Variants in DLG5 observed in about 807,000 individuals in gnomAD.
DLG5 encodes discs large MAGUK scaffold protein 5, also known as disks large homolog 5.
DLG5 carries 48 observed loss-of-function variants against 189.8 expected under a neutral mutation model. The ratio of observed to expected loss-of-function variants is 0.25; its 90% CI spans 0.20 to 0.32. DLG5 has a LOEUF of 0.32. Among genes scored for constraint, DLG5 ranks in the 10% least tolerant of loss-of-function variants. The probability of loss-of-function intolerance (pLI) is 1.00; values close to 1 mark genes in which losing one functional copy is unlikely to be tolerated. For synonymous variants in DLG5, 1,016 were observed against 1,054.1 expected (o/e 0.96, Z 0.70); for missense variants, 2,160 against 2,544.7 (o/e 0.85, Z 3.25).
chr10:77,819,787 C>G (rs1398021344), intron 16 of DLG5, 108 bp downstream of exon 16: 4 of 1,479,834 alleles, frequency 2.7e-6, no homozygotes, highest in Non-Finnish European at 3.6e-6. Context: ...GACCTCAGGG[C>G]TGAAAACACA....
Position 77,842,104 on chromosome 10 carries a change from G to C in DLG5, c.1214C>G (p.Thr405Ser). 1.2e-6 allele frequency: 2 copies of C among 1,613,362 alleles called. No homozygotes were observed. Among genetic ancestry groups the C allele is most frequent in the Non-Finnish European group, 1.7e-6 (2 of 1,180,036 alleles). Residue 405 changes from threonine to serine, a missense_variant, in exon 7 of 32, where the codon ACC (threonine) becomes AGC (serine). Thr to Ser is a moderately conservative substitution (Grantham distance 58, BLOSUM62 1). This residue lies in a region of DLG5 where 664 missense variants were observed against 838.5 expected (regional missense o/e 0.79). Coordinates refer to ENST00000372391, the MANE Select transcript of DLG5 (RefSeq NM_004747.4). ...CTTCACCTGCGTGGTTCTCAGCTCG[G>C]TCAGCTCTGACTGCAGCAGCTCCAT... ...WEMELLQSEL[T>S]ELRTTQVKTA...
At chr10:77,934,276 C>A in the DLG5 span, among the ~76,000 whole-genome samples, 1 of 144,086 alleles carries the variant, frequency 6.9e-6, no homozygotes, top group Non-Finnish European at 1.5e-5. Context: ...GAGGCTGAGG[C>A]AGGAGAATTG....
rs533577444 is a variant in DLG5, at chr10:77,829,245, T to C, written c.2185+110A>G. The C allele has an allele frequency of 1.2e-4, 170 of 1,430,456 alleles. No individual in the cohort carries two copies. In the African/African-American group the frequency reaches 2.3e-3, roughly 19 times the overall value. 88.6% of individuals were successfully genotyped at this position (1,430,456 alleles called of 1,614,324 possible). A position where few individuals can be genotyped will look rare whatever the true frequency, so the allele number is the denominator to read the frequency against. On this transcript the variant is annotated intron_variant, in intron 12 of 31. Coordinates refer to ENST00000372391, the MANE Select transcript of DLG5 (RefSeq NM_004747.4). ...CACATGGGCTACATTTAAATGGCAT[T>C]GGCCCCTCATCCCTGTGAATGAGGT...
intron 1 of DLG5, among the ~76,000 whole-genome samples, chr10:77,887,170 C>T (rs1298750525): frequency 6.6e-6 from 1 of 152,190 alleles, no homozygotes; most frequent in African/African-American, 2.4e-5. Context: ...GCTGTTAGCC[C>T]CATTTTACAG....
intron 2 of DLG5, among the ~76,000 whole-genome samples, chr10:77,860,641 A>T (rs985638101): frequency 6.6e-6 from 1 of 152,138 alleles, no homozygotes; most frequent in Non-Finnish European, 1.5e-5. Context: ...ACATTATCCC[A>T]TTTCGATCCT....
chr10:77,837,523 C>T (rs1201248842), intron 7 of DLG5, among the ~76,000 whole-genome samples: 4 of 152,146 alleles, frequency 2.6e-5, no homozygotes, highest in Admixed American at 6.6e-5. Context: ...ATGAATTCAT[C>T]CCCAAAATAC....
intron 1 of DLG5, among the ~76,000 whole-genome samples, chr10:77,890,142 G>A (rs1255975641): frequency 6.6e-6 from 1 of 152,132 alleles, no homozygotes; most frequent in Admixed American, 6.5e-5. Flanking sequence ...AAACTTAGAG[G>A]CAGATTGGGG....
chr10:77,848,937 A>G (rs1021629256), intron 5 of DLG5, among the ~76,000 whole-genome samples: 5 of 152,180 alleles, frequency 3.3e-5, no homozygotes, highest in Non-Finnish European at 7.3e-5. Context: ...TAAAGAAAAA[A>G]GATGCAAAAA....
Position 77,806,738 on chromosome 10 carries a change from C to CCCCCCCCCCCCCCCCCAAA in DLG5, c.4967+19_4967+20insTTTGGGGGGGGGGGGGGGG. 6.4e-7 allele frequency: 1 copy of CCCCCCCCCCCCCCCCCAAA among 1,574,710 alleles called. No individual in the cohort carries two copies. Among genetic ancestry groups the CCCCCCCCCCCCCCCCCAAA allele is most frequent in the Non-Finnish European group, 8.7e-7 (1 of 1,147,896 alleles). ...CGGCGACCCCTGCCCCACCCCACCC[C>CCCCCCCCCCCCCCCCCAAA]AGGCCCGGAGAACACTTACACATAT... On this transcript the variant is annotated intron_variant, in intron 26 of 31. Coordinates refer to ENST00000372391, the MANE Select transcript of DLG5 (RefSeq NM_004747.4).
chr10:77,801,106 G>T (rs952416953), intron 27 of DLG5, among the ~76,000 whole-genome samples: 1 of 152,172 alleles, frequency 6.6e-6, no homozygotes, highest in Non-Finnish European at 1.5e-5. Context: ...CAATAACTAG[G>T]CATATCATGG....
Position 77,890,964 on chromosome 10 carries a change from T to C in DLG5, c.305-21767A>G, listed in dbSNP as rs532048140. On this transcript the variant is annotated intron_variant, in intron 1 of 31. Transcript: ENST00000372391. ...ACCACCCACACTTCTGGCCAGACTA[T>C]AGTGCCACTTGCTTATCACACCCAG... Among the ~76,000 whole-genome samples, 4 of 152,292 alleles carry C rather than the reference T, an allele frequency of 2.6e-5. No individual in the cohort carries two copies. In the South Asian group the frequency reaches 8.3e-4, roughly 32 times the overall value.
chr10:77,837,303 G>A (rs924614762), intron 7 of DLG5, among the ~76,000 whole-genome samples: 5 of 150,148 alleles, frequency 3.3e-5, no homozygotes, highest in African/African-American at 4.9e-5. Context: ...CATTATATTT[G>A]CTGTTTTACA....
At chr10:77,801,283 T>C (rs1052507067) in intron 27 of DLG5, among the ~76,000 whole-genome samples, 1 of 151,770 alleles carries the variant, frequency 6.6e-6, no homozygotes, top group African/African-American at 2.4e-5. Context: ...AAGAACCAAG[T>C]GGAAACTCTA....
intron 2 of DLG5, among the ~76,000 whole-genome samples, chr10:77,859,879 T>C (rs1458307893): frequency 6.6e-6 from 1 of 152,190 alleles, no homozygotes; most frequent in East Asian, 1.9e-4. Flanking sequence ...CTCTGCAGCT[T>C]CGAAGTCTTC....
chr10:77,817,168 G>A lies in DLG5; in HGVS notation c.3785-72C>T, dbSNP rs1483876218. 2.2e-6 allele frequency: 3 copies of A among 1,361,738 alleles called. No individual in the cohort carries two copies. In the East Asian group the frequency reaches 6.9e-5, roughly 31 times the overall value. The allele number at this position is 1,361,738 out of a possible 1,614,324, so 84.4% of individuals were successfully genotyped here. A position where few individuals can be genotyped will look rare whatever the true frequency, so the allele number is the denominator to read the frequency against. On this transcript the variant is annotated intron_variant, in intron 18 of 31. Coordinates refer to ENST00000372391, the MANE Select transcript of DLG5 (RefSeq NM_004747.4). Reference sequence around the variant, plus strand: ...CCACCCTGTCCTTCCTCTCCACCAGGCTACCAGTCAGGATAATAAATGCAA... The same window carrying A: ...CCACCCTGTCCTTCCTCTCCACCAGACTACCAGTCAGGATAATAAATGCAA...
chr10:77,825,853 G>A (rs960625217), intron 13 of DLG5, among the ~76,000 whole-genome samples: 1 of 151,964 alleles, frequency 6.6e-6, no homozygotes, highest in African/African-American at 2.4e-5. Flanking sequence ...CACCATGCCC[G>A]GCCAGTCAAG....
rs754437533 is a variant in DLG5, at chr10:77,796,546, G to A, written c.5213C>T (p.Ala1738Val). 6.2e-7 allele frequency: 1 copy of A among 1,614,134 alleles called. No homozygotes were observed. The highest frequency in any genetic ancestry group is 8.5e-7 in the Non-Finnish European group (1 of 1,180,026). Residue 1738 changes from alanine to valine, a missense_variant, in exon 28 of 32, where the codon GCT becomes GTT. Ala to Val is a moderately conservative substitution (Grantham distance 64). This residue lies in a region of DLG5 where 574 missense variants were observed against 644.2 expected (regional missense o/e 0.89). Coordinates refer to ENST00000372391, the MANE Select transcript of DLG5 (RefSeq NM_004747.4). This position sits in a 1 kb window ranked among gnomAD's most constrained non-coding sequence, Gnocchi z 5.2. ...YQRVQKVDCTALRPVLILGPL... is the reference protein window; with the variant it reads ...YQRVQKVDCTVLRPVLILGPL... ...CCCCAGAATCAGGACAGGCCTCAGA[G>A]CGGTGCAGTCCACCTTCTGGACCCG...
rs1843538251 is a variant in DLG5 at position 77,843,628 on chromosome 10, T to C, written c.943A>G (p.Lys315Glu). The change falls in exon 6 of 32, where the codon AAG becomes GAG. Residue 315 changes from lysine (K) to glutamate (E), a missense_variant. Around this residue, in one of 5 missense-constraint regions of DLG5, gnomAD observed 664 missense variants for 838.5 expected, o/e 0.79. Coordinates refer to ENST00000372391, the MANE Select transcript of DLG5 (RefSeq NM_004747.4). Reference protein sequence around the residue: ...TAMDKLEVVKKDYDALRKRYS... With the variant: ...TAMDKLEVVKEDYDALRKRYS... ...CTCTTCCGAAGGGCGTCATAGTCCT[T>C]CTTGACCACCTCCAACTTGTCCATG... The C allele has an allele frequency of 6.2e-7, 1 of 1,613,546 alleles. No homozygotes were observed. Among genetic ancestry groups the C allele is most frequent in the Admixed American group, 1.7e-5 (1 of 59,814 alleles).
intron 10 of DLG5, 74 bp from the exon 11 acceptor site, chr10:77,830,418 C>T: frequency 6.3e-7 from 1 of 1,598,744 alleles, no homozygotes; most frequent in Admixed American, 1.7e-5. Flanking sequence ...AGCCCCGAAG[C>T]TGCCCACTCC....
Sources: gnomAD v4.1 joint callset for allele counts (sites outside exome capture counted in the v4.1 genomes callset) on GRCh38, gnomAD v4.1.1 for gene constraint, gnomAD v4.1.1 regional missense constraint, Gnocchi (gnomAD v3.1) non-coding constraint, MANE v1.5 for transcripts, NCBI Gene and HGNC (gene_info 2026-07-23, HGNC 2026-07-21) for gene names.